Variants in BCAR3 observed in about 807,000 individuals in gnomAD.
BCAR3 encodes breast cancer anti-estrogen resistance protein 3.
A neutral mutation model predicts 80.1 loss-of-function variants in BCAR3; 37 were observed. The ratio of observed to expected loss-of-function variants is 0.46; its 90% CI spans 0.36 to 0.61. The LOEUF is 0.61. Among genes scored for constraint, BCAR3 ranks in the 20% least tolerant of loss-of-function variants. The pLI is 0.00. For missense variants in BCAR3, 978 were observed against 1,068.2 expected, an observed-to-expected ratio of 0.92 and a Z score of 1.18; for synonymous variants, 389 against 418.9, an observed-to-expected ratio of 0.93 and a Z score of 0.87.
At chr1:93,656,068 T>C (rs1409689741) in intron 2 of BCAR3, among the ~76,000 whole-genome samples, 1 of 152,228 alleles carries the variant, frequency 6.6e-6, no homozygotes, top group Non-Finnish European at 1.5e-5. Flanking sequence ...AAATTTTAAG[T>C]GCCTCATCTT....
At chr1:93,757,585 T>A (rs2100720398) in intron 2 of BCAR3, among the ~76,000 whole-genome samples, 2 of 152,326 alleles carry the variant, frequency 1.3e-5, no homozygotes, top group Admixed American at 1.3e-4. Flanking sequence ...TTTCTCCTCT[T>A]CCTTCAATTG....
At chr1:93,656,562 A>G (rs1172253601) in intron 2 of BCAR3, among the ~76,000 whole-genome samples, 11 of 150,250 alleles carry the variant, frequency 7.3e-5, no homozygotes, top group Admixed American at 7.3e-4. Context: ...AAAATGTACC[A>G]TACATCGTTA....
At chr1:93,757,753 G>A (rs1319853944) in intron 2 of BCAR3, among the ~76,000 whole-genome samples, 1 of 152,200 alleles carries the variant, frequency 6.6e-6, no homozygotes, top group Non-Finnish European at 1.5e-5. Context: ...TTGCTGGTGT[G>A]AGAGTAGCCT....
intron 8 of BCAR3, among the ~76,000 whole-genome samples, chr1:93,574,910 A>G (rs77315335): frequency 0.013 from 1,963 of 152,330 alleles, 23 homozygotes; most frequent in Non-Finnish European, 0.02. Context: ...ATCCTCCCAC[A>G]TGGCTGCAAT....
At chr1:93,686,812 T>G (rs577749937), upstream of BCAR3, among the ~76,000 whole-genome samples, 46 of 152,340 alleles carry the variant, frequency 3.0e-4, no homozygotes, top group South Asian at 4.1e-3. Context: ...AGCTCATTCT[T>G]GTCCATGACC....
chr1:93,738,611 G>C (rs1487972769), intron 2 of BCAR3, among the ~76,000 whole-genome samples: 3 of 152,230 alleles, frequency 2.0e-5, no homozygotes, highest in Non-Finnish European at 4.4e-5. Context: ...TGTCTGTGAA[G>C]TCCCCATCAG....
chr1:93,610,996 T>G (rs910355911), intron 3 of BCAR3, among the ~76,000 whole-genome samples: 2 of 152,054 alleles, frequency 1.3e-5, no homozygotes, highest in Non-Finnish European at 2.9e-5. Context: ...ACGAAATGAT[T>G]CTGGGCGGGC....
chr1:93,589,190 C>A lies in BCAR3; in HGVS notation c.716G>T (p.Arg239Leu), dbSNP rs371841836. Residue 239 changes from arginine to leucine, a missense_variant, in exon 5 of 12, where the codon CGG becomes CTG. Arg to Leu is a moderately radical substitution (Grantham distance 102). Coordinates refer to ENST00000260502, the MANE Select transcript of BCAR3 (RefSeq NM_003567.4). ...GLVRCYVGNR[R>L]PISQQSGAII... ...GGCGCCACTCTGCTGGGAGATGGGC[C>A]GGCGGTTGCCCACGTAGCAGCGCAC... 6.2e-7 allele frequency: 1 copy of A among 1,613,604 alleles called. No homozygotes were observed. Among genetic ancestry groups the A allele is most frequent in the Admixed American group, 1.7e-5 (1 of 59,974 alleles).
chr1:93,714,213 C>T (rs1307160332), intron 2 of BCAR3, among the ~76,000 whole-genome samples: 1 of 152,238 alleles, frequency 6.6e-6, no homozygotes. Context: ...GATCTCCTGA[C>T]CTCGTGATCC....
intron 3 of BCAR3, among the ~76,000 whole-genome samples, chr1:93,597,269 A>G (rs1203612078): frequency 6.6e-6 from 1 of 152,254 alleles, no homozygotes; most frequent in South Asian, 2.1e-4. Context: ...AGATGTAGGT[A>G]AAGTGACAAA....
intron 2 of BCAR3, among the ~76,000 whole-genome samples, chr1:93,729,252 T>G (rs1650701479): frequency 6.6e-6 from 1 of 152,276 alleles, no homozygotes; most frequent in African/African-American, 2.4e-5. Context: ...CTACTGAACA[T>G]CATAGCTTAG....
At chr1:93,674,378 C>T (rs1401121920) in intron 2 of BCAR3, among the ~76,000 whole-genome samples, 1 of 152,164 alleles carries the variant, frequency 6.6e-6, no homozygotes, top group Non-Finnish European at 1.5e-5. Flanking sequence ...GCCTTAGCCT[C>T]CTGAGTAGCT....
chr1:93,643,375 C>CA lies in BCAR3; in HGVS notation c.318-1033dup, dbSNP rs200554063. On this transcript the variant is annotated intron_variant, in intron 2 of 11. Transcript: ENST00000260502. ...CCCCGTCTCTACTATACTAAAAACA[C>CA]AAAAAAAACCAAAAACAAAAAATAG... 6.3e-3 allele frequency among the ~76,000 whole-genome samples: 944 copies of CA among 149,470 alleles called. 6 individuals carry two copies. Among genetic ancestry groups the CA allele is most frequent in the Non-Finnish European group, 0.01 (698 of 67,312 alleles).
intron 2 of BCAR3, among the ~76,000 whole-genome samples, chr1:93,813,688 A>T (rs760232203): frequency 1.6e-4 from 25 of 152,308 alleles, no homozygotes; most frequent in Middle Eastern, 6.8e-3. Flanking sequence ...GATCAAAGAC[A>T]TTCTGTTATG....
rs539314579 is a variant in BCAR3, at chr1:93,601,365, G to T, written c.358-8972C>A. ...AAAACTGATCTCTACTTAGGCACAG[G>T]TTTGTTTATTCGTTTATTTCAGTGC... On this transcript the variant is annotated intron_variant, in intron 3 of 11. Coordinates refer to ENST00000260502, the MANE Select transcript of BCAR3 (RefSeq NM_003567.4). Among the ~76,000 whole-genome samples, 4 of 152,194 alleles carry T rather than the reference G, an allele frequency of 2.6e-5. 1 individual carries two copies. In the South Asian group the frequency reaches 8.3e-4, roughly 32 times the overall value.
At chr1:93,594,388 G>T (rs937746396) in intron 3 of BCAR3, 1 of 152,254 alleles carries the variant, frequency 6.6e-6, no homozygotes, top group African/African-American at 2.4e-5. Flanking sequence ...TGTGGCCACA[G>T]GACTCAGTTC....
At chr1:93,646,202 C>A (rs1676143841) in intron 2 of BCAR3, among the ~76,000 whole-genome samples, 1 of 152,074 alleles carries the variant, frequency 6.6e-6, no homozygotes, top group African/African-American at 2.4e-5. Context: ...GATATTTTAC[C>A]TTTAATGAGA....
At chr1:93,837,964 G>A (rs115249325) in intron 2 of BCAR3, among the ~76,000 whole-genome samples, 23 of 152,288 alleles carry the variant, frequency 1.5e-4, no homozygotes, top group African/African-American at 5.5e-4. Context: ...GCTCTAGCAT[G>A]GACTCTTGTT....
rs1404673224 is a variant in BCAR3 at position 93,719,344 on chromosome 1, T to TTG, written c.-62-13203_-62-13202insCA. Among the ~76,000 whole-genome samples the TTG allele has an allele frequency of 5.3e-5, 7 of 131,604 alleles. No individual in the cohort carries two copies. The East Asian group carries it at 6.3e-4, about 12-fold the overall frequency. The allele number at this position is 131,604 out of a possible 152,430, so 86.3% of individuals were successfully genotyped here. On this transcript the variant is annotated intron_variant, in intron 2 of 13. Transcript: ENST00000370244. ...TATTTAAACTTTCTTGTTTTTTTTT[T>TTG]TTTTTTTTTTTTTTTGAGACAGAGT...
Sources: allele counts gnomAD v4.1 joint callset (sites outside exome capture counted in the v4.1 genomes callset), GRCh38; gene constraint gnomAD v4.1.1; transcripts MANE v1.5; gene names NCBI Gene and HGNC (gene_info 2026-07-23, HGNC 2026-07-21).